DYM: variants seen among roughly 807,000 people sequenced by gnomAD.
DYM encodes dyggve-Melchior-Clausen syndrome protein.
Under a neutral mutation model 93.1 loss-of-function variants are expected in DYM, and 78 were observed. The ratio of observed to expected loss-of-function variants is 0.84; its 90% CI spans 0.70 to 1.01. The LOEUF (loss-of-function observed/expected upper bound fraction) is 1.01. DYM is among the 50% of genes least tolerant of loss of function. The probability of loss-of-function intolerance (pLI) is 0.00; values close to 1 mark genes in which losing one functional copy is unlikely to be tolerated. For synonymous variants in DYM, 321 were observed against 319.7 expected (o/e 1.00, Z -0.04); for missense variants, 789 against 845.0 (o/e 0.93, Z 0.82).
intron 1 of DYM, among the ~76,000 whole-genome samples, chr18:49,449,678 A>C (rs2148684237): frequency 6.6e-6 from 1 of 152,348 alleles, no homozygotes; most frequent in East Asian, 1.9e-4. Context: ...ACCAGTAACA[A>C]GGATAATAAG....
chr18:49,274,770 A>C (rs902396350), intron 10 of DYM, among the ~76,000 whole-genome samples: 3 of 152,124 alleles, frequency 2.0e-5, no homozygotes, highest in African/African-American at 7.2e-5. Context: ...ATTACTAGCT[A>C]TTTGTATATC....
At chr18:49,300,552 G>A (rs1476568339) in intron 8 of DYM, among the ~76,000 whole-genome samples, 2 of 151,740 alleles carry the variant, frequency 1.3e-5, no homozygotes, top group African/African-American at 4.8e-5. Context: ...GTAAGTTGAT[G>A]TTCGTGCCAC....
intron 13 of DYM, among the ~76,000 whole-genome samples, chr18:49,251,406 G>A (rs2094284971): frequency 6.6e-6 from 1 of 152,174 alleles, no homozygotes; most frequent in African/African-American, 2.4e-5. Context: ...TAGAATTTGA[G>A]AGAAAGGGAG....
At chr18:49,256,272 T>C (rs537802948) in intron 13 of DYM, among the ~76,000 whole-genome samples, 5 of 152,162 alleles carry the variant, frequency 3.3e-5, no homozygotes, top group African/African-American at 9.6e-5. Flanking sequence ...AAGATAATCC[T>C]GGATCAGGAA....
intron 8 of DYM, among the ~76,000 whole-genome samples, chr18:49,325,698 T>C (rs1291845437): frequency 6.6e-6 from 1 of 152,236 alleles, no homozygotes. Context: ...ATAACTGATA[T>C]TAGCACCAAA....
At chr18:49,220,287 C>G (rs1350424952) in intron 13 of DYM, among the ~76,000 whole-genome samples, 1 of 149,318 alleles carries the variant, frequency 6.7e-6, no homozygotes, top group African/African-American at 2.4e-5. Flanking sequence ...ATTCCATGCT[C>G]ATGGGTAGGA....
chr18:49,379,416 C>G (rs1043871142), intron 4 of DYM, among the ~76,000 whole-genome samples: 1 of 152,054 alleles, frequency 6.6e-6, no homozygotes, highest in Non-Finnish European at 1.5e-5. Context: ...ATAATTACAT[C>G]ATTATTCACC....
chr18:49,291,688 AT>A (rs1490652230), intron 8 of DYM, among the ~76,000 whole-genome samples: 6 of 152,224 alleles, frequency 3.9e-5, no homozygotes, highest in Non-Finnish European at 8.8e-5. Flanking sequence ...TTTCTGTTAA[AT>A]AATGTGCTCC....
chr18:49,209,861 AAAAAAG>A (rs1277511382), intron 13 of DYM, 146 bp from the exon 14 acceptor site: 2 of 443,678 alleles, frequency 4.5e-6, no homozygotes, highest in Admixed American at 1.0e-4. Context: ...ATAAAAAGTT[AAAAAAG>A]AAAATGAACA....
At chr18:49,099,857 G>T (rs1335323188) in intron 16 of DYM, among the ~76,000 whole-genome samples, 2 of 152,090 alleles carry the variant, frequency 1.3e-5, no homozygotes, top group Non-Finnish European at 1.5e-5. Flanking sequence ...TTTTTCCCTT[G>T]TAATGTGGCA....
At chr18:49,203,705 A>AC (rs1265918799) in intron 14 of DYM, among the ~76,000 whole-genome samples, 2 of 142,080 alleles carry the variant, frequency 1.4e-5, no homozygotes, top group Non-Finnish European at 3.1e-5. Flanking sequence ...AATCAGGGAC[A>AC]CAAACACTGC....
chr18:49,085,936 T>C (rs35054365), intron 17 of DYM, among the ~76,000 whole-genome samples: 2 of 152,026 alleles, frequency 1.3e-5, no homozygotes, highest in Non-Finnish European at 2.9e-5. Flanking sequence ...ACCACAGTTA[T>C]CTTTTTAGGA....
chr18:49,095,835 G>A (rs1421809084), intron 17 of DYM, among the ~76,000 whole-genome samples: 1 of 151,996 alleles, frequency 6.6e-6, no homozygotes, highest in Admixed American at 6.6e-5. Context: ...TTTGCTTTAA[G>A]GTAAGTATTA....
chr18:49,308,515 T>C (rs1050697638), intron 8 of DYM, among the ~76,000 whole-genome samples: 2 of 152,224 alleles, frequency 1.3e-5, no homozygotes, highest in African/African-American at 2.4e-5. Flanking sequence ...TACCGTCTAC[T>C]AGTTGTGCAC....
chr18:49,211,878 T>A (rs2092801455), intron 13 of DYM, among the ~76,000 whole-genome samples: 1 of 152,308 alleles, frequency 6.6e-6, no homozygotes, highest in East Asian at 1.9e-4. Flanking sequence ...TTCTATTGAG[T>A]CTTGGAAAGG....
At chr18:49,129,295 T>C (rs1034096723) in intron 15 of DYM, among the ~76,000 whole-genome samples, 2 of 152,150 alleles carry the variant, frequency 1.3e-5, no homozygotes, top group African/African-American at 4.8e-5. Flanking sequence ...GTAAGGAACC[T>C]GGACTTCAGT....
intron 1 of DYM, among the ~76,000 whole-genome samples, chr18:49,459,631 C>A (rs1026339933): frequency 6.6e-6 from 1 of 152,146 alleles, no homozygotes; most frequent in Non-Finnish European, 1.5e-5. Context: ...GGAACTCACT[C>A]CATCTGTGCC....
At position 49,202,121 on chromosome 18, in the gene DYM, C is replaced by T. The variant is rs146203104; in HGVS notation, c.1625+7430G>A. 8.5e-5 allele frequency among the ~76,000 whole-genome samples: 13 copies of T among 152,328 alleles called. No homozygotes were observed. In the East Asian group the frequency reaches 2.5e-3, roughly 29 times the overall value. On this transcript the variant is annotated intron_variant, in intron 14 of 17. Transcript: ENST00000675505. The stretch of plus-strand genomic sequence containing the variant: ...AACTTTCTTTCCAGCTCACCACGCA[C>T]GTTGGGTAGTCCTATGACAAACTTT...
chr18:49,459,934 T>TA (rs141681418), intron 1 of DYM, among the ~76,000 whole-genome samples: 11,835 of 145,610 alleles, frequency 0.081, 685 homozygotes, highest in East Asian at 0.26. Context: ...GGGCGGTGAT[T>TA]AAAAATGCTC....
Sources: allele counts gnomAD v4.1 joint callset (sites outside exome capture counted in the v4.1 genomes callset), GRCh38; gene constraint gnomAD v4.1.1; transcripts MANE v1.5; gene names NCBI Gene and HGNC (gene_info 2026-07-23, HGNC 2026-07-21).